The following PIAS1 variants were observed in gnomAD, a reference collection of about 807,000 sequenced individuals.
The protein encoded by PIAS1 is protein inhibitor of activated STAT 1.
A neutral mutation model predicts 71.3 loss-of-function variants in PIAS1; 6 were observed. That is an observed-to-expected ratio of 0.08 (90% CI 0.05 to 0.17). The LOEUF is 0.17. Among genes scored for constraint, PIAS1 ranks in the 10% least tolerant of loss-of-function variants. The pLI, the probability that PIAS1 is intolerant of heterozygous loss-of-function variation, is 1.00. For missense variants in PIAS1, 555 were observed against 793.6 expected (o/e 0.70, Z 3.61); for synonymous variants, 303 against 292.9 (o/e 1.03, Z -0.35).
chr15:68,064,458 C>CA (rs1281458739), intron 1 of PIAS1, among the ~76,000 whole-genome samples: 1 of 152,106 alleles, frequency 6.6e-6, no homozygotes, highest in Non-Finnish European at 1.5e-5. Flanking sequence ...TCCAAATAAC[C>CA]AATGCATGAT....
chr15:68,088,269 G>A (rs2140984399), intron 2 of PIAS1, among the ~76,000 whole-genome samples: 1 of 146,062 alleles, frequency 6.8e-6, no homozygotes, highest in Non-Finnish European at 1.5e-5. Flanking sequence ...GTACATGTAT[G>A]TATGTGTACA....
intron 2 of PIAS1, among the ~76,000 whole-genome samples, chr15:68,089,229 A>G (rs2092312967): frequency 6.6e-6 from 1 of 152,210 alleles, no homozygotes; most frequent in African/African-American, 2.4e-5. Context: ...TCTTACGATC[A>G]TTTTGTTATT....
chr15:68,105,954 T>C (rs1207303318), intron 2 of PIAS1, among the ~76,000 whole-genome samples: 3 of 152,190 alleles, frequency 2.0e-5, no homozygotes, highest in Non-Finnish European at 4.4e-5. Context: ...TCTTTCTTTT[T>C]AGATGCTTAA....
chr15:68,158,197 G>T (rs2092903575), intron 7 of PIAS1, among the ~76,000 whole-genome samples: 1 of 151,958 alleles, frequency 6.6e-6, no homozygotes, highest in Non-Finnish European at 1.5e-5. Context: ...TACTTTCCAG[G>T]GTCGCCTGTA....
At position 68,086,515 on chromosome 15, in the gene PIAS1, C is replaced by T; in HGVS notation, c.234C>T (p.Pro78=). 1.2e-6 allele frequency: 2 copies of T among 1,613,800 alleles called. No homozygotes were observed. The highest frequency in any genetic ancestry group is 1.1e-5 in the South Asian group (1 of 91,076). The change falls in exon 2 of 14, where the codon CCC becomes CCT. Residue 78 remains proline, a synonymous_variant. Coordinates refer to ENST00000249636, the MANE Select transcript of PIAS1 (RefSeq NM_016166.3). The surrounding 1 kb of genome is among the most constrained non-coding windows in gnomAD (Gnocchi z 7.2). ...KIMTPADLSI[P]NVHSSPMPAT... ...TGACGCCTGCAGACTTGTCCATCCC[C>T]AACGTACATTCAAGTCCTATGCCAG...
At position 68,157,553 on chromosome 15, in the gene PIAS1, A is replaced by G. The variant is rs1427063049; in HGVS notation, c.934+3858A>G. 2.0e-5 allele frequency among the ~76,000 whole-genome samples: 3 copies of G among 152,192 alleles called. No individual in the cohort carries two copies. The East Asian group carries it at 5.8e-4, about 29-fold the overall frequency. On this transcript the variant is annotated intron_variant, in intron 7 of 13. Coordinates refer to ENST00000249636, the MANE Select transcript of PIAS1 (RefSeq NM_016166.3). ...GATCTGATTGCTAAATTTAAAGTGTATATTTTCAGTTTTCATCCTGAATAC... is the reference window on the plus strand; with the variant it reads ...GATCTGATTGCTAAATTTAAAGTGTGTATTTTCAGTTTTCATCCTGAATAC...
At chr15:68,153,763 C>G in intron 7 of PIAS1, 68 bp downstream of exon 7, 1 of 815,290 alleles carries the variant, frequency 1.2e-6, no homozygotes, top group Non-Finnish European at 2.1e-6. Context: ...ATTTTCTCAA[C>G]TCAAGAAATT....
chr15:68,111,441 T>G (rs1256119297), intron 2 of PIAS1, among the ~76,000 whole-genome samples: 1 of 152,166 alleles, frequency 6.6e-6, no homozygotes. Context: ...GAATAAGCAG[T>G]TAATAAAGTA....
intron 5 of PIAS1, among the ~76,000 whole-genome samples, chr15:68,146,120 C>G (rs2092806213): frequency 6.6e-6 from 1 of 152,094 alleles, no homozygotes; most frequent in Non-Finnish European, 1.5e-5. Flanking sequence ...GGTATGGTAG[C>G]TTTAGTGTTG....
At position 68,176,621 on chromosome 15, in the gene PIAS1, C is replaced by T; in HGVS notation, c.1448C>T (p.Ser483Phe). 6.2e-7 allele frequency: 1 copy of T among 1,606,696 alleles called. No individual in the cohort carries two copies. Among genetic ancestry groups the T allele is most frequent in the Non-Finnish European group, 8.5e-7 (1 of 1,176,946 alleles). The change falls in exon 11 of 14, where the codon TCC becomes TTC. Residue 483 changes from serine to phenylalanine, a missense_variant. This residue lies in a region of PIAS1 where 244 missense variants were observed against 307.5 expected (regional missense o/e 0.79). Transcript: ENST00000249636. Reference protein sequence around the residue: ...EEPSAKRTCPSLSPTSPLNNK... With the variant: ...EEPSAKRTCPFLSPTSPLNNK... ...CCATCTGCCAAGAGGACCTGTCCTTCCCTATCTCCCACATCACCACTAAAT... is the reference window on the plus strand; with the variant it reads ...CCATCTGCCAAGAGGACCTGTCCTTTCCTATCTCCCACATCACCACTAAAT...
At chr15:68,056,605 CTG>C (rs1409642572) in intron 1 of PIAS1, among the ~76,000 whole-genome samples, 1 of 150,996 alleles carries the variant, frequency 6.6e-6, no homozygotes, top group Non-Finnish European at 1.5e-5. Context: ...TTGTGTGTGT[CTG>C]AGACTTTGAG....
rs2093121088 is a variant in PIAS1, at chr15:68,191,726, G to T, written c.*3891G>T. The T allele has an allele frequency of 6.6e-6, 1 of 152,292 alleles. No individual in the cohort carries two copies. Among genetic ancestry groups the T allele is most frequent in the South Asian group, 2.1e-4 (1 of 4,830 alleles). The allele number at this position is 152,292 out of a possible 1,614,324, so 9.4% of individuals were successfully genotyped here. ...CAGTTTGAATGCTAAGAGCACCGTG[G>T]CCTTCTTGTAAACAACACTAGGTGC... On this transcript the variant is annotated 3_prime_UTR_variant, in exon 14 of 14. Transcript: ENST00000249636.
At chr15:68,121,373 A>G (rs894585619) in intron 2 of PIAS1, among the ~76,000 whole-genome samples, 4 of 149,382 alleles carry the variant, frequency 2.7e-5, no homozygotes, top group African/African-American at 9.9e-5. Context: ...GCTGTTCTAT[A>G]TATTTCCTTT....
At chr15:68,130,049 G>A (rs1332255301) in intron 2 of PIAS1, among the ~76,000 whole-genome samples, 1 of 151,870 alleles carries the variant, frequency 6.6e-6, no homozygotes, top group African/African-American at 2.4e-5. Flanking sequence ...TCATTTTGAG[G>A]GGGGGAAGCA....
At chr15:68,156,150 A>G (rs547405717) in intron 7 of PIAS1, among the ~76,000 whole-genome samples, 1 of 152,334 alleles carries the variant, frequency 6.6e-6, no homozygotes, top group Admixed American at 6.5e-5. Context: ...CAAGACACAT[A>G]CCATCTCTGC....
Position 68,054,451 on chromosome 15 carries a change from AC to A in PIAS1, c.24+102del. 1 of 1,277,748 alleles carries A rather than the reference AC, an allele frequency of 7.8e-7. No homozygotes were observed. The highest frequency in any genetic ancestry group is 1.1e-6 in the Non-Finnish European group (1 of 907,086). The allele number at this position is 1,277,748 out of a possible 1,614,324, so 79.2% of individuals were successfully genotyped here. A position where few individuals can be genotyped will look rare whatever the true frequency, so the allele number is the denominator to read the frequency against. On this transcript the variant is annotated intron_variant, in intron 1 of 13. Coordinates refer to ENST00000249636, the MANE Select transcript of PIAS1 (RefSeq NM_016166.3). The surrounding 1 kb of genome is among the most constrained non-coding windows in gnomAD (Gnocchi z 4.6). ...GACCCTGGGGGGCCTCTCGGGCCTG[AC>A]TCCACCCGGGCCTGGAGTTGTAGGG...
intron 6 of PIAS1, among the ~76,000 whole-genome samples, chr15:68,149,349 C>G (rs2092830568): frequency 7.5e-6 from 1 of 133,940 alleles, no homozygotes; most frequent in African/African-American, 2.8e-5. Context: ...TTTTTTTAAA[C>G]ATTCTTTCTT....
intron 2 of PIAS1, among the ~76,000 whole-genome samples, chr15:68,089,163 A>G (rs891284805): frequency 1.3e-5 from 2 of 152,242 alleles, no homozygotes; most frequent in African/African-American, 4.8e-5. Flanking sequence ...ATTTCTAACT[A>G]AAATGGAAGA....
At chr15:68,088,574 C>T (rs1044395314) in intron 2 of PIAS1, among the ~76,000 whole-genome samples, 9 of 151,900 alleles carry the variant, frequency 5.9e-5, no homozygotes, top group Admixed American at 2.6e-4. Context: ...AGTATCTCAT[C>T]GTTATAGAAT....
Sources: allele counts gnomAD v4.1 joint callset (sites outside exome capture counted in the v4.1 genomes callset), GRCh38; gene constraint gnomAD v4.1.1; regional missense constraint gnomAD v4.1.1; non-coding constraint Gnocchi (gnomAD v3.1); transcripts MANE v1.5; gene names NCBI Gene and HGNC (gene_info 2026-07-23, HGNC 2026-07-21).